The following LARP1 variants were observed in gnomAD, a reference collection of about 807,000 sequenced individuals.
LARP1 encodes the protein La ribonucleoprotein 1, translational regulator.
Under a neutral mutation model 122.7 loss-of-function variants are expected in LARP1, and 36 were observed. That is an observed-to-expected ratio of 0.29 (90% CI 0.22 to 0.39). The LOEUF (loss-of-function observed/expected upper bound fraction) is 0.39. Among genes scored for constraint, LARP1 ranks in the 10% least tolerant of loss-of-function variants. The probability of loss-of-function intolerance (pLI) is 1.00; values close to 1 mark genes in which losing one functional copy is unlikely to be tolerated. For missense variants in LARP1, 1,040 were observed against 1,403.6 expected, an observed-to-expected ratio of 0.74 and a Z score of 4.14; for synonymous variants, 539 against 528.7, an observed-to-expected ratio of 1.02 and a Z score of -0.27.
chr5:154,792,472 A>G, intron 3 of LARP1, 150 bp from the exon 4 acceptor site: 1 of 691,950 alleles, frequency 1.4e-6, no homozygotes, highest in Non-Finnish European at 2.5e-6. Flanking sequence ...AAACCATCTC[A>G]GGTGTGAAAA....
intron 16 of LARP1, among the ~76,000 whole-genome samples, chr5:154,809,699 C>G (rs76306860): frequency 1.5e-5 from 2 of 134,946 alleles, no homozygotes; most frequent in South Asian, 4.8e-4. Flanking sequence ...TATACTATTT[C>G]TTTTTTTTTT....
intron 1 of LARP1, 23 bp downstream of exon 1, chr5:154,756,216 C>T: frequency 8.1e-7 from 1 of 1,237,596 alleles, no homozygotes; most frequent in Non-Finnish European, 1.0e-6. Context: ...CCTTGCCCTC[C>T]TGGGTCCGGG....
chr5:154,795,518 C>G (rs1757678732), intron 8 of LARP1, among the ~76,000 whole-genome samples, 199 bp downstream of exon 8: 1 of 152,052 alleles, frequency 6.6e-6, no homozygotes, highest in African/African-American at 2.4e-5. Context: ...ATGTCAGACA[C>G]TTAACAAAAG....
Position 154,802,069 on chromosome 5 carries a change from G to T in LARP1, c.1779G>T (p.Gln593His), listed in dbSNP as rs1462409805. ...TSLPQQLPSQ[Q>H]LMSKDQDEQE... ...TGCCTCAGCAGCTGCCTTCCCAGCA[G>T]CTGATGTCCAAGGATCAGGATGAGC... is the stretch of plus-strand genomic sequence containing the variant. Residue 593 changes from glutamine (Q) to histidine (H), a missense_variant, in exon 11 of 19, where the codon CAG becomes CAT. This residue lies in a region of LARP1 where 362 missense variants were observed against 533.1 expected (regional missense o/e 0.68). Transcript: ENST00000518297. The surrounding 1 kb of genome is among the most constrained non-coding windows in gnomAD (Gnocchi z 5.1). The T allele has an allele frequency of 6.2e-7, 1 of 1,614,170 alleles. No homozygotes were observed. Among genetic ancestry groups the T allele is most frequent in the East Asian group, 2.2e-5 (1 of 44,878 alleles).
chr5:154,793,829 G>C lies in LARP1; in HGVS notation c.898G>C (p.Ala300Pro), dbSNP rs1168661265. Residue 300 changes from alanine to proline, a missense_variant, in exon 6 of 19, where the codon GCC (alanine) becomes CCC (proline). By Grantham distance (27) the Ala-to-Pro change is conservative. Coordinates refer to ENST00000518297, the MANE Select transcript of LARP1 (RefSeq NM_033551.3). ...GSESATYVPV[A>P]PPTPAWQPEI... is the part of the protein sequence containing the mutation. ...TGAGTCTGCCACCTACGTGCCCGTG[G>C]CCCCCCCCACCCCAGCCTGGCAACC... is the stretch of plus-strand genomic sequence containing the variant. The C allele has an allele frequency of 1.2e-6, 2 of 1,613,058 alleles. No individual in the cohort carries two copies. The highest frequency in any genetic ancestry group is 2.2e-5 in the East Asian group (1 of 44,866).
intron 1 of LARP1, among the ~76,000 whole-genome samples, chr5:154,763,705 T>TA (rs373065515): frequency 1.3e-5 from 2 of 151,754 alleles, no homozygotes; most frequent in Non-Finnish European, 2.9e-5. Flanking sequence ...CTTTGACAAT[T>TA]AAACACTGTG....
intron 1 of LARP1, 62 bp downstream of exon 1, chr5:154,756,255 TC>T: frequency 3.6e-6 from 4 of 1,116,038 alleles, no homozygotes; most frequent in Non-Finnish European, 3.4e-6. Context: ...GGGAGTCCCC[TC>T]CCCCAGCACC....
In LARP1 at chr5:154,786,119, T is replaced by G. The variant is rs940624389; in HGVS notation, c.437-4206T>G. Among the ~76,000 whole-genome samples the G allele has an allele frequency of 2.0e-5, 3 of 152,276 alleles. No individual in the cohort carries two copies. The East Asian group carries it at 5.8e-4, about 29-fold the overall frequency. On this transcript the variant is annotated intron_variant, in intron 1 of 18. Transcript: ENST00000518297. ...GTGCAGTGGCGCGATCTCAGCTCAC[T>G]GCAACCTCCGCCTCCCGGGTTCAAG...
At chr5:154,805,151 G>A (rs1758662055) in intron 14 of LARP1, 1 of 334,318 alleles carries the variant, frequency 3.0e-6, no homozygotes, top group Non-Finnish European at 5.8e-6. Flanking sequence ...CTACTTGGTG[G>A]GGAGAGGGAG....
chr5:154,724,324 G>T (rs1756067207), intron 1 of LARP1, among the ~76,000 whole-genome samples: 1 of 152,200 alleles, frequency 6.6e-6, no homozygotes, highest in Non-Finnish European at 1.5e-5. Flanking sequence ...ACTGGAGGAG[G>T]AATCTAAAGC....
rs775962897 is a variant in LARP1 at position 154,799,889 on chromosome 5, T to A, written c.1563T>A (p.Ser521=). 6.2e-7 allele frequency: 1 copy of A among 1,613,964 alleles called. No individual in the cohort carries two copies. The highest frequency in any genetic ancestry group is 8.5e-7 in the Non-Finnish European group (1 of 1,179,918). ...ACCCTTTAGAGTCGGCACCTGGCTC[T>A]CCTCGTGCAGTCACCCCAGTGCCAA... ...YQKETESAPG[S]PRAVTPVPTK... is the part of the protein sequence containing the mutation. The change falls in exon 10 of 19, where the codon TCT becomes TCA. Residue 521 remains serine (S), a synonymous_variant. Coordinates refer to ENST00000518297, the MANE Select transcript of LARP1 (RefSeq NM_033551.3).
At position 154,794,124 on chromosome 5, in the gene LARP1, A is replaced by G; in HGVS notation, c.1094A>G (p.Tyr365Cys). Residue 365 changes from tyrosine (Y) to cysteine (C), a missense_variant, in exon 7 of 19, where the codon TAC (tyrosine) becomes TGC (cysteine). Tyr to Cys is a radical substitution (Grantham distance 194). Coordinates refer to ENST00000518297, the MANE Select transcript of LARP1 (RefSeq NM_033551.3). The part of the protein sequence containing the change: ...TRTHFDYQFG[Y>C]RKFDGVEGPR... ...GCCCATTTTGACTACCAGTTTGGCT[A>G]CCGAAAGTTTGATGGTGTGGAGGGG... 2 of 1,614,180 alleles carry G rather than the reference A, an allele frequency of 1.2e-6. No homozygotes were observed. Among genetic ancestry groups the G allele is most frequent in the Non-Finnish European group, 1.7e-6 (2 of 1,180,004 alleles).
At chr5:154,762,829 C>T (rs1754570533) in intron 1 of LARP1, among the ~76,000 whole-genome samples, 1 of 152,178 alleles carries the variant, frequency 6.6e-6, no homozygotes, top group African/African-American at 2.4e-5. Context: ...AATGGAGTTG[C>T]AAGCTTCTCA....
At chr5:154,747,183 G>A (rs1753237618) in intron 1 of LARP1, among the ~76,000 whole-genome samples, 1 of 151,970 alleles carries the variant, frequency 6.6e-6, no homozygotes, top group Non-Finnish European at 1.5e-5. Context: ...GCGGGCACCT[G>A]TAATCCCAGC....
chr5:154,706,282 C>G (rs113079431), intron 1 of LARP1, among the ~76,000 whole-genome samples: 1 of 142,252 alleles, frequency 7.0e-6, no homozygotes, highest in Non-Finnish European at 1.5e-5. Context: ...AGACAGAGTG[C>G]GACTTTGTCT....
At chr5:154,751,628 TACCTGTGGCC>T (rs1338963335), upstream of LARP1, among the ~76,000 whole-genome samples, 1 of 152,228 alleles carries the variant, frequency 6.6e-6, no homozygotes, top group Admixed American at 6.5e-5. Context: ...ATGTTTCAGT[TACCTGTGGCC>T]AACTGTGGTC....
intron 1 of LARP1, among the ~76,000 whole-genome samples, chr5:154,776,088 T>C (rs1311566787): frequency 6.6e-6 from 1 of 152,116 alleles, no homozygotes; most frequent in Admixed American, 6.6e-5. Context: ...GGTGAGAGTA[T>C]CCCTTGAGCC....
chr5:154,743,612 A>AGTTT lies in LARP1; in HGVS notation c.205+30503_205+30506dup, dbSNP rs372268029. On this transcript the variant is annotated intron_variant, in intron 1 of 18. Transcript: ENST00000336314. ...GAGTGAGCCACTGCTTCTGGCCTAT[A>AGTTT]GTTTGTTTGTTTGTTTGTTTGTTTA... is the stretch of plus-strand genomic sequence containing the variant. Among the ~76,000 whole-genome samples the AGTTT allele has an allele frequency of 7.2e-4, 98 of 136,076 alleles. 1 individual carries two copies. The South Asian group carries it at 0.017, about 24-fold the overall frequency. 89.3% of individuals were successfully genotyped at this position (136,076 alleles called of 152,430 possible).
intron 1 of LARP1, among the ~76,000 whole-genome samples, chr5:154,758,380 G>A (rs962127629): frequency 2.0e-5 from 3 of 152,216 alleles, no homozygotes; most frequent in South Asian, 2.1e-4. Context: ...TAAGGCAAGA[G>A]AGTGTCTACT....
Sources: allele counts gnomAD v4.1 joint callset (sites outside exome capture counted in the v4.1 genomes callset), GRCh38; gene constraint gnomAD v4.1.1; regional missense constraint gnomAD v4.1.1; non-coding constraint Gnocchi (gnomAD v3.1); transcripts MANE v1.5; gene names NCBI Gene and HGNC (gene_info 2026-07-23, HGNC 2026-07-21).